CPQ: variants seen among roughly 807,000 people sequenced by gnomAD.
CPQ encodes Ser-Met dipeptidase.
Under a neutral mutation model 45.7 loss-of-function variants are expected in CPQ, and 37 were observed. That is an observed-to-expected ratio of 0.81 (90% CI 0.62 to 1.07). The LOEUF is 1.07. Ranked by LOEUF, CPQ falls within the 50% of genes least tolerant of loss-of-function variation. The pLI, the probability that CPQ is intolerant of heterozygous loss-of-function variation, is 0.00. For missense variants in CPQ, 537 were observed against 572.9 expected, an observed-to-expected ratio of 0.94 and a Z score of 0.64; for synonymous variants, 186 against 205.8, an observed-to-expected ratio of 0.90 and a Z score of 0.82.
At chr8:96,740,823 A>G (rs1413287126) in intron 1 of CPQ, among the ~76,000 whole-genome samples, 1 of 152,178 alleles carries the variant, frequency 6.6e-6, no homozygotes, top group Non-Finnish European at 1.5e-5. Flanking sequence ...CCACTTGATC[A>G]TGGTGGATAA....
intron 7 of CPQ, among the ~76,000 whole-genome samples, chr8:97,138,230 A>AC (rs1437418080): frequency 2.0e-5 from 3 of 151,994 alleles, no homozygotes; most frequent in African/African-American, 7.3e-5. Context: ...AGCCCAAGTT[A>AC]CCCCCCAGTG....
At chr8:96,813,018 T>C (rs1811179372) in intron 2 of CPQ, among the ~76,000 whole-genome samples, 1 of 152,124 alleles carries the variant, frequency 6.6e-6, no homozygotes, top group Non-Finnish European at 1.5e-5. Context: ...AAGGATGTGG[T>C]TATAAAATAA....
chr8:96,931,786 A>G (rs1161364066), intron 4 of CPQ, among the ~76,000 whole-genome samples: 2 of 152,212 alleles, frequency 1.3e-5, no homozygotes, highest in Non-Finnish European at 2.9e-5. Flanking sequence ...AATTGCCCAA[A>G]GAGAAGGTAC....
intron 7 of CPQ, among the ~76,000 whole-genome samples, chr8:97,111,691 G>A (rs1388008546): frequency 1.3e-5 from 2 of 152,332 alleles, no homozygotes; most frequent in African/African-American, 2.4e-5. Context: ...TCTGCTGAGT[G>A]TGTGGGAAGG....
In CPQ at chr8:96,666,908, C is replaced by A. The variant is rs369158865; in HGVS notation, c.-35+21506C>A. Among the ~76,000 whole-genome samples, 19 of 152,306 alleles carry A rather than the reference C, an allele frequency of 1.2e-4. 2 individuals carry two copies. Among genetic ancestry groups the A allele is most frequent in the African/African-American group, 4.6e-4 (19 of 41,578 alleles). ...GTACCAGTGTTTTCCTCAATGCCTA[C>A]CTCAGAAACCTTAGCTTTGACTCCC... On this transcript the variant is annotated intron_variant, in intron 1 of 7. Transcript: ENST00000220763.
intron 1 of CPQ, among the ~76,000 whole-genome samples, chr8:96,744,528 A>G (rs1810149178): frequency 6.6e-6 from 1 of 152,176 alleles, no homozygotes; most frequent in South Asian, 2.1e-4. Flanking sequence ...GTAAATTGTT[A>G]TATCTTCTTG....
intron 1 of CPQ, among the ~76,000 whole-genome samples, chr8:96,760,033 C>T (rs1391975125): frequency 1.3e-5 from 2 of 152,324 alleles, no homozygotes; most frequent in South Asian, 2.1e-4. Flanking sequence ...ACCCAGGTTT[C>T]CCTGATTTCA....
At chr8:96,875,699 T>C (rs1244651624) in intron 3 of CPQ, among the ~76,000 whole-genome samples, 1 of 151,934 alleles carries the variant, frequency 6.6e-6, no homozygotes, top group Non-Finnish European at 1.5e-5. Flanking sequence ...TTACTATAGT[T>C]TTATGGTAAG....
At chr8:96,926,067 C>T (rs1052115561) in intron 4 of CPQ, among the ~76,000 whole-genome samples, 2 of 152,178 alleles carry the variant, frequency 1.3e-5, no homozygotes, top group Non-Finnish European at 2.9e-5. Context: ...GATGTGATTG[C>T]TCTCTTCTCT....
rs373370669 is a variant in CPQ at position 96,734,449 on chromosome 8, C to T, written c.-34-50415C>T. Among the ~76,000 whole-genome samples, 19 of 152,260 alleles carry T rather than the reference C, an allele frequency of 1.2e-4. No individual in the cohort carries two copies. In the East Asian group the frequency reaches 1.7e-3, roughly 14 times the overall value. ...CTGACAGGCTGGGCGCGGTGGGTCA[C>T]GCCTGTAATCCCAGCACTTTGGGAG... On this transcript the variant is annotated intron_variant, in intron 1 of 7. Transcript: ENST00000220763.
intron 4 of CPQ, among the ~76,000 whole-genome samples, chr8:96,895,840 T>C (rs1812435475): frequency 6.6e-6 from 1 of 152,182 alleles, no homozygotes; most frequent in Non-Finnish European, 1.5e-5. Context: ...TTTAATGTCA[T>C]GTGAATTTTT....
intron 2 of CPQ, among the ~76,000 whole-genome samples, chr8:96,803,984 T>G (rs775347711): frequency 2.0e-5 from 3 of 152,146 alleles, no homozygotes; most frequent in Non-Finnish European, 4.4e-5. Flanking sequence ...GAGATAGCAC[T>G]GGTGTAATGT....
intron 1 of CPQ, among the ~76,000 whole-genome samples, chr8:96,659,020 G>A (rs535171553): frequency 3.9e-5 from 6 of 152,302 alleles, no homozygotes; most frequent in East Asian, 1.9e-4. Flanking sequence ...TAAATGCACC[G>A]CCATATGGGG....
intron 2 of CPQ, among the ~76,000 whole-genome samples, chr8:96,816,693 C>CTGAA (rs1431460333): frequency 6.6e-6 from 1 of 152,066 alleles, no homozygotes; most frequent in Non-Finnish European, 1.5e-5. Flanking sequence ...GATCCATGGG[C>CTGAA]TTCAGATTGG....
At chr8:96,868,667 C>T (rs574676912) in intron 3 of CPQ, among the ~76,000 whole-genome samples, 5 of 151,816 alleles carry the variant, frequency 3.3e-5, no homozygotes, top group African/African-American at 9.7e-5. Context: ...AGGAAAAAAT[C>T]CTGTCATTTC....
At chr8:96,946,909 C>T (rs1436935610) in intron 4 of CPQ, among the ~76,000 whole-genome samples, 2 of 152,144 alleles carry the variant, frequency 1.3e-5, no homozygotes, top group African/African-American at 4.8e-5. Flanking sequence ...AGGTCTCTGC[C>T]ACTATCTGTC....
chr8:97,008,920 C>G (rs985005841), intron 5 of CPQ, among the ~76,000 whole-genome samples: 1 of 152,214 alleles, frequency 6.6e-6, no homozygotes, highest in Non-Finnish European at 1.5e-5. Flanking sequence ...CTGTCCATGT[C>G]AAGGTCAGCA....
intron 1 of CPQ, among the ~76,000 whole-genome samples, chr8:96,686,143 G>C (rs1809224189): frequency 6.6e-6 from 1 of 151,936 alleles, no homozygotes; most frequent in Non-Finnish European, 1.5e-5. Context: ...TAATCATATA[G>C]TTTCCAAATA....
intron 1 of CPQ, among the ~76,000 whole-genome samples, chr8:96,698,679 G>A (rs952940660): frequency 6.6e-6 from 1 of 152,130 alleles, no homozygotes; most frequent in South Asian, 2.1e-4. Context: ...TGAAAAATGG[G>A]CAAAAGATGA....
Sources: gnomAD v4.1 joint callset for allele counts (sites outside exome capture counted in the v4.1 genomes callset) on GRCh38, gnomAD v4.1.1 for gene constraint, MANE v1.5 for transcripts, NCBI Gene and HGNC (gene_info 2026-07-23, HGNC 2026-07-21) for gene names.